POLRMT: variants seen among roughly 807,000 people sequenced by gnomAD.
POLRMT encodes the protein RNA polymerase mitochondrial.
A neutral mutation model predicts 132.2 loss-of-function variants in POLRMT; 114 were observed. That is an observed-to-expected ratio of 0.86 (90% CI 0.74 to 1.01). The LOEUF (loss-of-function observed/expected upper bound fraction) is 1.01, where lower values mean the gene tolerates loss of function less well. Among genes scored for constraint, POLRMT ranks in the 50% least tolerant of loss-of-function variants. POLRMT has a pLI of 0.00. For synonymous variants in POLRMT, 1,020 were observed against 773.4 expected, an observed-to-expected ratio of 1.32 and a Z score of -5.29; for missense variants, 2,003 against 1,729.1, an observed-to-expected ratio of 1.16 and a Z score of -2.81.
At position 619,316 on chromosome 19, in the gene POLRMT, G is replaced by GGTGCAGGTCCTCAGGGGCTGGCCC. The variant is rs1984305369; in HGVS notation, c.3067-44_3067-21dup. On this transcript the variant is annotated intron_variant, in intron 13 of 20. Coordinates refer to ENST00000588649, the MANE Select transcript of POLRMT (RefSeq NM_005035.4). ...GAACTCCTGCAGAGGGCGGGCAGCA[G>GGTGCAGGTCCTCAGGGGCTGGCCC]GTGCAGGTCCTCAGGGGCTGGCCCG... The GGTGCAGGTCCTCAGGGGCTGGCCC allele has an allele frequency of 3.1e-6, 5 of 1,606,978 alleles. No individual in the cohort carries two copies. In the East Asian group the frequency reaches 1.1e-4, roughly 36 times the overall value.
chr19:618,029 A>C (rs1600552186), intron 17 of POLRMT, 180 bp from the exon 18 acceptor site: 1 of 602,366 alleles, frequency 1.7e-6, no homozygotes, highest in Non-Finnish European at 2.9e-6. Context: ...GTATCAGTAC[A>C]GGGGGAGGAA....
rs1222459643 is a variant in POLRMT, at chr19:632,890, G to C, written c.137C>G (p.Pro46Arg). 7.8e-6 allele frequency: 12 copies of C among 1,546,490 alleles called. No homozygotes were observed. In the African/African-American group the frequency reaches 9.7e-5, roughly 13 times the overall value. Residue 46 changes from proline (P) to arginine (R), a missense_variant, in exon 2 of 21, where the codon CCC becomes CGC. Pro to Arg is a moderately radical substitution (Grantham distance 103). Transcript: ENST00000588649. ...CCTGCGGTCTTGGTCTTGCTCCTGG[G>C]GGCTGGCGGACGAGCTCCTCCTGGG... is the stretch of plus-strand genomic sequence containing the variant. ...CGPRRSSSAS[P>R]QEQDQDRRKD...
At chr19:630,588 T>C (rs1485812608) in intron 2 of POLRMT, among the ~76,000 whole-genome samples, 1 of 152,042 alleles carries the variant, frequency 6.6e-6, no homozygotes, top group Admixed American at 6.6e-5. Flanking sequence ...CCTCTCACTG[T>C]CTAGCTCAGG....
chr19:622,575 G>A lies in POLRMT; in HGVS notation c.1626+7C>T. On this transcript the variant is annotated splice_region_variant and intron_variant, in intron 8 of 20. Transcript: ENST00000588649. ...CCAGCCAGGAGGAGAGGGGGTGCGA[G>A]CCTCACCTCGGCGTCGGAGGCCAGC... 11 of 1,595,136 alleles carry A rather than the reference G, an allele frequency of 6.9e-6. No homozygotes were observed. The highest frequency in any genetic ancestry group is 9.4e-6 in the Non-Finnish European group (11 of 1,170,562).
At position 632,876 on chromosome 19, in the gene POLRMT, G is replaced by C. The variant is rs1466441264; in HGVS notation, c.151C>G (p.Gln51Glu). ...SSSASPQEQD[Q>E]DRRKDWGHVE... is the part of the protein sequence containing the mutation. ...TGGCCCCAGTCCTTCCTGCGGTCTT[G>C]GTCTTGCTCCTGGGGGCTGGCGGAC... is the stretch of plus-strand genomic sequence containing the variant. The change falls in exon 2 of 21, where the codon CAA (glutamine) becomes GAA (glutamate). Residue 51 changes from glutamine (Q) to glutamate (E), a missense_variant. Transcript: ENST00000588649. 6.4e-7 allele frequency: 1 copy of C among 1,552,556 alleles called. No homozygotes were observed. The highest frequency in any genetic ancestry group is 8.7e-7 in the Non-Finnish European group (1 of 1,152,732).
At position 629,303 on chromosome 19, in the gene POLRMT, C is replaced by T. The variant is rs2283575; in HGVS notation, c.822+237G>A. Among the ~76,000 whole-genome samples, 14,090 of 152,048 alleles carry T rather than the reference C, an allele frequency of 0.093. 885 individuals carry two copies. The highest frequency in any genetic ancestry group is 0.26 in the East Asian group (1,317 of 5,158). ...CCTGCCCAGACAGATTCACGAGCCC[C>T]GAGAAAGAACGGAAGGAAATGCTCA... On this transcript the variant is annotated intron_variant, in intron 3 of 20. Coordinates refer to ENST00000588649, the MANE Select transcript of POLRMT (RefSeq NM_005035.4).
At chr19:620,696 G>A (rs532374610) in intron 10 of POLRMT, among the ~76,000 whole-genome samples, 5 of 145,666 alleles carry the variant, frequency 3.4e-5, no homozygotes, top group African/African-American at 7.7e-5. Flanking sequence ...GGACCGGGCT[G>A]AAACAAGCGT....
intron 3 of POLRMT, among the ~76,000 whole-genome samples, chr19:626,445 C>T (rs1434420289): frequency 2.6e-5 from 4 of 151,560 alleles, no homozygotes; most frequent in Admixed American, 6.6e-5. Context: ...TGAGCCACCA[C>T]GCCCAGCCAT....
Position 620,404 on chromosome 19 carries a change from G to T in POLRMT, c.2724C>A (p.Ser908=), listed in dbSNP as rs777344298. 1.3e-6 allele frequency: 2 copies of T among 1,586,554 alleles called. No homozygotes were observed. The change falls in exon 11 of 21, where the codon TCC becomes TCA. Residue 908 remains serine (S), a synonymous_variant. Transcript: ENST00000588649. The part of the protein sequence containing the change: ...CMEVANAVRA[S]DPAAYVSHLP... ...GGTGGGAGACATAGGCGGCAGGGTC[G>T]GAGGCGCGCACAGCGTTCGCCACCT...
chr19:633,184 G>C, intron 1 of POLRMT: 1 of 598,466 alleles, frequency 1.7e-6, no homozygotes, highest in Non-Finnish European at 2.7e-6. Context: ...AAGGTTAAGA[G>C]CCCTAAACAC....
chr19:618,154 T>G, intron 17 of POLRMT: 1 of 560,858 alleles, frequency 1.8e-6, no homozygotes, highest in Non-Finnish European at 3.2e-6. Flanking sequence ...CCCCGCATCC[T>G]GAGCATTCCC....
At chr19:617,526 G>T in intron 19 of POLRMT, 44 bp downstream of exon 19, 2 of 1,608,450 alleles carry the variant, frequency 1.2e-6, no homozygotes, top group Non-Finnish European at 8.5e-7. Flanking sequence ...CAGGTTTTGG[G>T]GTGGGGGGGG....
Position 632,958 on chromosome 19 carries a change from G to C in POLRMT, c.89-20C>G. 1.4e-6 allele frequency: 2 copies of C among 1,473,288 alleles called. No individual in the cohort carries two copies. Among genetic ancestry groups the C allele is most frequent in the Non-Finnish European group, 1.8e-6 (2 of 1,114,316 alleles). The allele number at this position is 1,473,288 out of a possible 1,614,324, so 91.3% of individuals were successfully genotyped here. On this transcript the variant is annotated intron_variant, in intron 1 of 20. Coordinates refer to ENST00000588649, the MANE Select transcript of POLRMT (RefSeq NM_005035.4). ...CGGTCCCTGCGGGAAAGACGAGAGCGGCTGAGCGGGGCCGGGCGTGTGGGC... is the reference window on the plus strand; with the variant it reads ...CGGTCCCTGCGGGAAAGACGAGAGCCGCTGAGCGGGGCCGGGCGTGTGGGC...
intron 3 of POLRMT, 152 bp downstream of exon 3, chr19:629,388 G>A (rs1375470527): frequency 1.2e-5 from 10 of 854,890 alleles, no homozygotes; most frequent in African/African-American, 1.0e-4. Context: ...AGAGTCACAC[G>A]TGATTTGTAT....
chr19:620,577 G>A (rs949689055), intron 10 of POLRMT, 90 bp from the exon 11 acceptor site: 5 of 1,413,034 alleles, frequency 3.5e-6, no homozygotes, highest in African/African-American at 1.4e-5. Context: ...GGGAAATGGG[G>A]AGGAGACGCA....
chr19:628,753 T>G (rs1985201020), intron 3 of POLRMT, among the ~76,000 whole-genome samples: 1 of 151,942 alleles, frequency 6.6e-6, no homozygotes, highest in Non-Finnish European at 1.5e-5. Flanking sequence ...GCCTGTAATC[T>G]CAGCTCCTCG....
chr19:626,886 T>TACACTCACACACAC (rs1985056289), intron 3 of POLRMT, among the ~76,000 whole-genome samples: 1 of 143,672 alleles, frequency 7.0e-6, no homozygotes, highest in Non-Finnish European at 1.5e-5. Context: ...TCTTAAAATA[T>TACACTCACACACAC]ACACACACAC....
chr19:617,737 C>T lies in POLRMT; in HGVS notation c.3495+40G>A, dbSNP rs563922410. 7.5e-6 allele frequency: 12 copies of T among 1,609,496 alleles called. No homozygotes were observed. In the East Asian group the frequency reaches 2.7e-4, roughly 36 times the overall value. On this transcript the variant is annotated intron_variant, in intron 18 of 20. Coordinates refer to ENST00000588649, the MANE Select transcript of POLRMT (RefSeq NM_005035.4). The stretch of plus-strand genomic sequence containing the variant: ...CTACCCAACGCCCCAGTGTGGGGGC[C>T]CCACCCATGGGTGGACTGAGGCTCA...
At chr19:624,668 C>G (rs1984887395) in intron 5 of POLRMT, 51 bp downstream of exon 5, 2 of 1,571,246 alleles carry the variant, frequency 1.3e-6, no homozygotes, top group East Asian at 4.5e-5. Flanking sequence ...CCAGGAACCC[C>G]CAAAGGGCAG....
Sources: allele counts gnomAD v4.1 joint callset (sites outside exome capture counted in the v4.1 genomes callset), GRCh38; gene constraint gnomAD v4.1.1; transcripts MANE v1.5; gene names NCBI Gene and HGNC (gene_info 2026-07-23, HGNC 2026-07-21).